The following DDX52 variants were observed in gnomAD, a reference collection of about 807,000 sequenced individuals.
DDX52 encodes the protein DExD-box helicase 52.
DDX52 carries 59 observed loss-of-function variants against 76.1 expected under a neutral mutation model. The observed-to-expected ratio is 0.78, with a 90% CI of 0.63 to 0.96. The LOEUF is 0.96. Ranked by LOEUF, DDX52 falls within the 40% of genes least tolerant of loss-of-function variation. DDX52 has a pLI of 0.00. For missense variants in DDX52, 707 were observed against 703.9 expected (o/e 1.00, Z -0.05); for synonymous variants, 231 against 244.1 (o/e 0.95, Z 0.50).
chr17:37,626,106 A>G lies in DDX52; in HGVS notation c.933-8T>C. ...ACTACAAGCCACTCAACACTAAGAA[A>G]TAACAAAACAACTTGTGGATACTGA... On this transcript the variant is annotated splice_region_variant and splice_polypyrimidine_tract_variant and intron_variant, in intron 7 of 14. Coordinates refer to ENST00000617633, the MANE Select transcript of DDX52 (RefSeq NM_007010.5). 6.2e-7 allele frequency: 1 copy of G among 1,614,034 alleles called. No homozygotes were observed. Among genetic ancestry groups the G allele is most frequent in the Non-Finnish European group, 8.5e-7 (1 of 1,179,914 alleles).
At chr17:37,632,387 T>C in intron 3 of DDX52, 89 bp from the exon 4 acceptor site, 1 of 1,475,604 alleles carries the variant, frequency 6.8e-7, no homozygotes, top group Non-Finnish European at 9.4e-7. Flanking sequence ...GTTTCTGGGA[T>C]AACCTTTAGC....
intron 2 of DDX52, among the ~76,000 whole-genome samples, chr17:37,640,607 T>A (rs2031143692): frequency 1.3e-5 from 2 of 150,058 alleles, no homozygotes; most frequent in Admixed American, 1.3e-4. Context: ...AACTCAAGTG[T>A]TTACCAAAAA....
In DDX52 at chr17:37,632,287, CAAG is replaced by C. The variant is rs2030720949; in HGVS notation, c.426_428del (p.Phe142del). The C allele has an allele frequency of 1.2e-6, 2 of 1,613,754 alleles. No individual in the cohort carries two copies. The highest frequency in any genetic ancestry group is 1.1e-5 in the South Asian group (1 of 91,066). On this transcript the variant is annotated inframe_deletion, in exon 4 of 15. Transcript: ENST00000617633. ...GGACGTGAATTTTGTGTTTATTCCGCAAGAAGTTTATCTGAAAAGTGAAGTAAA... is the reference window on the plus strand; with the variant it reads ...GGACGTGAATTTTGTGTTTATTCCGCAAGTTTATCTGAAAAGTGAAGTAAA...
At chr17:37,630,346 C>G (rs1271967798) in intron 4 of DDX52, among the ~76,000 whole-genome samples, 173 bp from the exon 5 acceptor site, 1 of 152,176 alleles carries the variant, frequency 6.6e-6, no homozygotes, top group Non-Finnish European at 1.5e-5. Flanking sequence ...ACCATCACCC[C>G]AACAAAGTTT....
rs963345526 is a variant in DDX52, at chr17:37,643,409, G to C, written c.12C>G (p.His4Gln). 2 of 1,613,850 alleles carry C rather than the reference G, an allele frequency of 1.2e-6. No individual in the cohort carries two copies. Among genetic ancestry groups the C allele is most frequent in the African/African-American group, 1.3e-5 (1 of 74,934 alleles). The change falls in exon 1 of 15, where the codon CAC becomes CAG. Residue 4 changes from histidine to glutamine, a missense_variant. By Grantham distance (24) the His-to-Gln change is conservative. Transcript: ENST00000617633. ...CCGCGCCGAGCCGGCGAAAGAGATC[G>C]TGGACGTCCATCTTTACCCAGAAAG... MDV[H>Q]DLFRRLGAGA...
intron 8 of DDX52, among the ~76,000 whole-genome samples, chr17:37,624,829 AGAT>A (rs2030282258): frequency 6.6e-6 from 1 of 152,084 alleles, no homozygotes; most frequent in Non-Finnish European, 1.5e-5. Flanking sequence ...GTTAGGGGTG[AGAT>A]ATATTAAGAC....
intron 2 of DDX52, among the ~76,000 whole-genome samples, chr17:37,637,298 A>C (rs2030977989): frequency 6.6e-6 from 1 of 151,278 alleles, no homozygotes; most frequent in South Asian, 2.1e-4. Context: ...CGTCCGGCTA[A>C]TTTTGTATTT....
In DDX52 at chr17:37,630,065, G is replaced by T. The variant is rs752081275; in HGVS notation, c.712C>A (p.Leu238Met). 2.5e-6 allele frequency: 4 copies of T among 1,613,486 alleles called. No individual in the cohort carries two copies. Among genetic ancestry groups the T allele is most frequent in the African/African-American group, 2.7e-5 (2 of 74,886 alleles). Reference sequence around the variant, plus strand: ...AGTTCTCGTGTTGGTGATATAATCAGGGCTCTGAAGCCTTTATTTGCGGGT... The same window carrying T: ...AGTTCTCGTGTTGGTGATATAATCATGGCTCTGAAGCCTTTATTTGCGGGT... ...KQPANKGFRA[L>M]IISPTRELAS... The change falls in exon 5 of 15, where the codon CTG becomes ATG. Residue 238 changes from leucine to methionine, a missense_variant. Leu to Met is a conservative substitution (Grantham distance 15, BLOSUM62 2). Coordinates refer to ENST00000617633, the MANE Select transcript of DDX52 (RefSeq NM_007010.5).
At chr17:37,628,784 T>A in intron 5 of DDX52, 112 bp from the exon 6 acceptor site, 1 of 738,630 alleles carries the variant, frequency 1.4e-6, no homozygotes, top group Non-Finnish European at 2.1e-6. Flanking sequence ...TATCTGAAAT[T>A]AAACTCATAA....
Position 37,610,736 on chromosome 17 carries a change from A to G in DDX52, c.*3560T>C, listed in dbSNP as rs912896748. On this transcript the variant is annotated 3_prime_UTR_variant, in exon 15 of 15. Transcript: ENST00000617633. ...CATTTGTCCAGATCATACAGCTACAAGCAATGAGGATCAGGATTCAAATCC... is the reference window on the plus strand; with the variant it reads ...CATTTGTCCAGATCATACAGCTACAGGCAATGAGGATCAGGATTCAAATCC... The G allele has an allele frequency of 1.3e-5, 2 of 152,224 alleles. No individual in the cohort carries two copies. The highest frequency in any genetic ancestry group is 1.5e-5 in the Non-Finnish European group (1 of 68,048). The allele number at this position is 152,224 out of a possible 1,614,324, so 9.4% of individuals were successfully genotyped here.
intron 2 of DDX52, among the ~76,000 whole-genome samples, chr17:37,641,322 A>G (rs779639648): frequency 1.3e-5 from 2 of 151,898 alleles, no homozygotes; most frequent in Non-Finnish European, 2.9e-5. Context: ...GAATGACGTG[A>G]ACCCAGGAGG....
chr17:37,625,072 C>T (rs964097810), intron 8 of DDX52, among the ~76,000 whole-genome samples: 2 of 152,050 alleles, frequency 1.3e-5, no homozygotes, highest in African/African-American at 4.8e-5. Context: ...GTGGGGCGAT[C>T]TCGGCCCACT....
Position 37,632,318 on chromosome 17 carries a change from G to A in DDX52, c.418-20C>T, listed in dbSNP as rs1229126329. ...GTTTATCTGAAAAGTGAAGTAAAGA[G>A]GCCACCATGGATATGGCCAAATAAA... On this transcript the variant is annotated intron_variant, in intron 3 of 14. Coordinates refer to ENST00000617633, the MANE Select transcript of DDX52 (RefSeq NM_007010.5). 1.2e-6 allele frequency: 2 copies of A among 1,613,430 alleles called. No individual in the cohort carries two copies. The highest frequency in any genetic ancestry group is 2.2e-5 in the South Asian group (2 of 91,066).
intron 2 of DDX52, chr17:37,639,656 G>T (rs1189513498): frequency 1.3e-5 from 2 of 154,054 alleles, no homozygotes; most frequent in Non-Finnish European, 2.9e-5. Context: ...CAGCAGAATG[G>T]CGTGAACCCA....
rs981149310 is a variant in DDX52 at position 37,612,409 on chromosome 17, T to C, written c.*1887A>G. ...ATATTTTCAATAAATTTAGTATAGG[T>C]TAAGTGTGCAGTGTTTATACAAGTC... On this transcript the variant is annotated 3_prime_UTR_variant, in exon 15 of 15. Transcript: ENST00000617633. 2 of 152,022 alleles carry C rather than the reference T, an allele frequency of 1.3e-5. No individual in the cohort carries two copies. Among genetic ancestry groups the C allele is most frequent in the African/African-American group, 4.8e-5 (2 of 41,362 alleles). The allele number at this position is 152,022 out of a possible 1,614,324, so 9.4% of individuals were successfully genotyped here.
chr17:37,619,331 A>C (rs2029954631), intron 13 of DDX52, among the ~76,000 whole-genome samples: 1 of 152,162 alleles, frequency 6.6e-6, no homozygotes, highest in Non-Finnish European at 1.5e-5. Flanking sequence ...ATGAGCTGAG[A>C]CTTCATCTCA....
chr17:37,625,520 A>C (rs2030321887), intron 8 of DDX52, among the ~76,000 whole-genome samples: 1 of 152,054 alleles, frequency 6.6e-6, no homozygotes, highest in South Asian at 2.1e-4. Flanking sequence ...TGCTCCCCAA[A>C]ATATTTTTTA....
At chr17:37,627,963 G>C (rs2030475108) in intron 6 of DDX52, among the ~76,000 whole-genome samples, 2 of 151,764 alleles carry the variant, frequency 1.3e-5, no homozygotes, top group Admixed American at 1.3e-4. Flanking sequence ...ATTTCTTTTA[G>C]AGATGGAGTC....
At chr17:37,614,456 G>A in intron 14 of DDX52, 103 bp from the exon 15 acceptor site, 4 of 1,124,992 alleles carry the variant, frequency 3.6e-6, no homozygotes, top group Non-Finnish European at 5.1e-6. Flanking sequence ...AACCTACTGT[G>A]TATCAAATAA....
Sources: gnomAD v4.1 joint callset for allele counts (sites outside exome capture counted in the v4.1 genomes callset) on GRCh38, gnomAD v4.1.1 for gene constraint, MANE v1.5 for transcripts, NCBI Gene and HGNC (gene_info 2026-07-23, HGNC 2026-07-21) for gene names.